The following VPS53 variants were observed in gnomAD, a reference collection of about 807,000 sequenced individuals.
VPS53 encodes VPS53 subunit of GARP complex.
Under a neutral mutation model 107.0 loss-of-function variants are expected in VPS53, and 70 were observed. The ratio of observed to expected loss-of-function variants is 0.65; its 90% confidence interval spans 0.54 to 0.80. The LOEUF (loss-of-function observed/expected upper bound fraction) is 0.80. VPS53 is among the 30% of genes least tolerant of loss of function. The probability of loss-of-function intolerance (pLI) is 0.00; values close to 1 mark genes in which losing one functional copy is unlikely to be tolerated. For synonymous variants in VPS53, 409 were observed against 393.3 expected, an observed-to-expected ratio of 1.04 and a Z score of -0.47; for missense variants, 917 against 1,049.4, an observed-to-expected ratio of 0.87 and a Z score of 1.74.
At chr17:570,585 G>C (rs1401121245) in intron 13 of VPS53, among the ~76,000 whole-genome samples, 2 of 152,122 alleles carry the variant, frequency 1.3e-5, no homozygotes, top group East Asian at 3.8e-4. Flanking sequence ...GAAAGACAAA[G>C]AAAGACTCAA....
chr17:558,556 C>T (rs1912652493), intron 15 of VPS53, among the ~76,000 whole-genome samples: 1 of 152,186 alleles, frequency 6.6e-6, no homozygotes, highest in African/African-American at 2.4e-5. Context: ...ATGGCGAGAA[C>T]CCGGCAGGGG....
chr17:622,991 A>G (rs1969534446), intron 11 of VPS53, among the ~76,000 whole-genome samples: 1 of 152,072 alleles, frequency 6.6e-6, no homozygotes, highest in East Asian at 1.9e-4. Flanking sequence ...ATCAGACCAA[A>G]AAGAAGAGGT....
chr17:662,360 T>C (rs897960434), intron 4 of VPS53, among the ~76,000 whole-genome samples: 4 of 152,276 alleles, frequency 2.6e-5, no homozygotes, highest in Admixed American at 2.0e-4. Flanking sequence ...AAGACTTTCA[T>C]AGTAAGCCAT....
At chr17:692,894 G>A (rs1378271707) in intron 4 of VPS53, among the ~76,000 whole-genome samples, 7 of 151,864 alleles carry the variant, frequency 4.6e-5, no homozygotes, top group African/African-American at 1.7e-4. Flanking sequence ...CCAGCACTTT[G>A]GGAGGCCGAG....
chr17:693,396 T>C (rs1332294945), intron 4 of VPS53, among the ~76,000 whole-genome samples: 1 of 152,172 alleles, frequency 6.6e-6, no homozygotes, highest in Admixed American at 6.5e-5. Context: ...AGGCATCCAC[T>C]GGGGGTCTTG....
chr17:618,799 G>T (rs1246969348), intron 11 of VPS53, among the ~76,000 whole-genome samples: 1 of 133,798 alleles, frequency 7.5e-6, no homozygotes, highest in Non-Finnish European at 1.6e-5. Flanking sequence ...GCGCCCACCA[G>T]GCCTGCTAAT....
chr17:647,005 C>A (rs1041590429), intron 7 of VPS53, among the ~76,000 whole-genome samples: 2 of 152,340 alleles, frequency 1.3e-5, no homozygotes, highest in African/African-American at 4.8e-5. Flanking sequence ...CACTTAAAAT[C>A]TTTCACTGTC....
At position 519,195 on chromosome 17, in the gene VPS53, G is replaced by A. The variant is rs1243843161; in HGVS notation, c.2432C>T (p.Ala811Val). 20 of 1,548,882 alleles carry A rather than the reference G, an allele frequency of 1.3e-5. No homozygotes were observed. Among genetic ancestry groups the A allele is most frequent in the Non-Finnish European group, 1.7e-5 (20 of 1,146,160 alleles). The change falls in exon 22 of 22, where the codon GCG becomes GTG. Residue 811 changes from alanine to valine, a missense_variant. Coordinates refer to ENST00000437048, the MANE Select transcript of VPS53 (RefSeq NM_001128159.3). The surrounding 1 kb of genome is among the most constrained non-coding windows in gnomAD (Gnocchi z 5.0). The stretch of plus-strand genomic sequence containing the variant: ...TGACGACTCTTGCTCTGGTGTTGGC[G>A]CCGTCAGGGACAGTGAGCCGGAGCT... ...AESSGSLSLT[A>V]PTPEQESSRI...
chr17:572,375 G>A (rs1297465126), intron 13 of VPS53, among the ~76,000 whole-genome samples: 17 of 135,742 alleles, frequency 1.3e-4, no homozygotes, highest in Non-Finnish European at 2.5e-4. Context: ...AGTGAGGAGC[G>A]TCTCCGCCGG....
In VPS53 at chr17:519,085, C is replaced by G; in HGVS notation, c.*43G>C. Reference sequence around the variant, plus strand: ...AGGTTGGGGGCTTCTGGGGAACGGGCGCTGAGGGTCTCCAGCCAGGAGCAA... The same window carrying G: ...AGGTTGGGGGCTTCTGGGGAACGGGGGCTGAGGGTCTCCAGCCAGGAGCAA... On this transcript the variant is annotated 3_prime_UTR_variant, in exon 22 of 22. Coordinates refer to ENST00000437048, the MANE Select transcript of VPS53 (RefSeq NM_001128159.3). This position sits in a 1 kb window ranked among gnomAD's most constrained non-coding sequence, Gnocchi z 5.0. The G allele has an allele frequency of 6.8e-7, 1 of 1,462,420 alleles. No individual in the cohort carries two copies. The highest frequency in any genetic ancestry group is 9.1e-7 in the Non-Finnish European group (1 of 1,102,572). The allele number at this position is 1,462,420 out of a possible 1,614,324, so 90.6% of individuals were successfully genotyped here.
At chr17:666,435 G>A (rs540658071) in intron 4 of VPS53, among the ~76,000 whole-genome samples, 8 of 152,324 alleles carry the variant, frequency 5.3e-5, no homozygotes, top group Middle Eastern at 3.4e-3. Context: ...AGGCCAGGGC[G>A]GGTGGATGAC....
At chr17:699,492 C>A in intron 2 of VPS53, 112 bp from the exon 3 acceptor site, 1 of 813,844 alleles carries the variant, frequency 1.2e-6, no homozygotes, top group Non-Finnish European at 1.8e-6. Flanking sequence ...AAAATTTAAT[C>A]ACATGATATG....
chr17:629,594 TA>T (rs1267325265), intron 8 of VPS53, among the ~76,000 whole-genome samples: 7 of 149,704 alleles, frequency 4.7e-5, no homozygotes, highest in South Asian at 4.2e-4. Flanking sequence ...CCATCTCTAC[TA>T]AAAAAAAATA....
At chr17:607,589 A>G (rs1968645919) in intron 11 of VPS53, among the ~76,000 whole-genome samples, 1 of 152,244 alleles carries the variant, frequency 6.6e-6, no homozygotes, top group Non-Finnish European at 1.5e-5. Flanking sequence ...GTCACAGGCC[A>G]CAGAGAATTA....
chr17:556,816 C>T (rs770646914), intron 15 of VPS53, among the ~76,000 whole-genome samples: 9 of 119,248 alleles, frequency 7.5e-5, no homozygotes, highest in African/African-American at 2.6e-4. Flanking sequence ...CCAGCCGAGA[C>T]GTAACTTCGG....
intron 4 of VPS53, chr17:674,115 A>C (rs1000343506): frequency 7.2e-5 from 11 of 152,234 alleles, no homozygotes; most frequent in African/African-American, 2.4e-4. Flanking sequence ...CATTTCAAGC[A>C]ACACCTCCAA....
chr17:586,298 G>C lies in VPS53; in HGVS notation c.1285C>G (p.Leu429Val). Reference sequence around the variant, plus strand: ...TCTTGGGATTCGATATACACGTAGAGATGAGGCTCAAAACACTTGGAAACA... The same window carrying C: ...TCTTGGGATTCGATATACACGTAGACATGAGGCTCAAAACACTTGGAAACA... ...GIVSKCFEPH[L>V]YVYIESQDKN... Residue 429 changes from leucine (L) to valine (V), a missense_variant, in exon 13 of 22, where the codon CTC becomes GTC. Coordinates refer to ENST00000437048, the MANE Select transcript of VPS53 (RefSeq NM_001128159.3). The C allele has an allele frequency of 1.2e-6, 2 of 1,614,098 alleles. No homozygotes were observed. The highest frequency in any genetic ancestry group is 1.7e-6 in the Non-Finnish European group (2 of 1,179,948).
chr17:619,074 G>T (rs932988095), intron 11 of VPS53, among the ~76,000 whole-genome samples: 2 of 140,436 alleles, frequency 1.4e-5, no homozygotes, highest in Non-Finnish European at 3.0e-5. Context: ...TGGGACTACA[G>T]GCGTGCACCA....
At chr17:686,085 T>C (rs1972575773) in intron 4 of VPS53, among the ~76,000 whole-genome samples, 1 of 151,334 alleles carries the variant, frequency 6.6e-6, no homozygotes, top group Non-Finnish European at 1.5e-5. Flanking sequence ...CTGGGAAGCG[T>C]AGGTGGGAGG....
Sources: allele counts gnomAD v4.1 joint callset (sites outside exome capture counted in the v4.1 genomes callset), GRCh38; gene constraint gnomAD v4.1.1; non-coding constraint Gnocchi (gnomAD v3.1); transcripts MANE v1.5; gene names NCBI Gene and HGNC (gene_info 2026-07-23, HGNC 2026-07-21).